Variants in SGIP1 observed in about 807,000 individuals in gnomAD.
The protein encoded by SGIP1 is SH3-containing GRB2-like protein 3-interacting protein 1.
SGIP1 carries 38 observed loss-of-function variants against 107.5 expected under a neutral mutation model. The observed-to-expected ratio is 0.35, with a 90% CI of 0.27 to 0.46. SGIP1 has a LOEUF of 0.46. Ranked by LOEUF, SGIP1 falls within the 20% of genes least tolerant of loss-of-function variation. SGIP1 has a pLI of 1.00. For synonymous variants in SGIP1, 365 were observed against 366.1 expected (o/e 1.00, Z 0.03); for missense variants, 929 against 1,019.5 (o/e 0.91, Z 1.21).
At chr1:66,686,076 C>A (rs1483178619) in intron 15 of SGIP1, among the ~76,000 whole-genome samples, 1 of 152,246 alleles carries the variant, frequency 6.6e-6, no homozygotes, top group African/African-American at 2.4e-5. Flanking sequence ...ACAGCATGAA[C>A]TATTAGCCTC....
Position 66,743,101 on chromosome 1 carries a change from T to C in SGIP1, c.*6T>C, listed in dbSNP as rs377364655. 2.2e-5 allele frequency: 35 copies of C among 1,613,120 alleles called. No individual in the cohort carries two copies. Among genetic ancestry groups the C allele is most frequent in the Non-Finnish European group, 2.7e-5 (32 of 1,179,588 alleles). ...AATACTTGGCAGATAACTAATGAAA[T>C]CTTATGCAAGGATTTGGAGGATTCA... On this transcript the variant is annotated 3_prime_UTR_variant, in exon 25 of 25. Coordinates refer to ENST00000371037, the MANE Select transcript of SGIP1 (RefSeq NM_032291.4).
rs373780100 is a variant in SGIP1, at chr1:66,633,052, A to G, written c.75-18A>G. The G allele has an allele frequency of 5.2e-5, 77 of 1,476,404 alleles. No homozygotes were observed. Among genetic ancestry groups the G allele is most frequent in the Non-Finnish European group, 7.1e-5 (75 of 1,056,960 alleles). 91.5% of individuals were successfully genotyped at this position (1,476,404 alleles called of 1,614,324 possible). A position where few individuals can be genotyped will look rare whatever the true frequency, so the allele number is the denominator to read the frequency against. On this transcript the variant is annotated intron_variant, in intron 2 of 24. Transcript: ENST00000371037. ...ATGATTCCTTATCATAATAGCTATC[A>G]ATTTCTTTTTGTTACAGAGGTTCAC...
At position 66,534,322 on chromosome 1, in the gene SGIP1, A is replaced by G. The variant is rs763644911; in HGVS notation, c.-37A>G. 1 of 1,613,264 alleles carries G rather than the reference A, an allele frequency of 6.2e-7. No individual in the cohort carries two copies. Among genetic ancestry groups the G allele is most frequent in the African/African-American group, 1.3e-5 (1 of 74,994 alleles). ...GAATCGTATCCTCCTGTGTTTTTTC[A>G]GACTCCTTGGAAATTAAGGAATGCA... On this transcript the variant is annotated 5_prime_UTR_variant, in exon 1 of 25. Coordinates refer to ENST00000371037, the MANE Select transcript of SGIP1 (RefSeq NM_032291.4).
chr1:66,585,898 G>A (rs541398242), intron 1 of SGIP1, among the ~76,000 whole-genome samples: 44 of 152,254 alleles, frequency 2.9e-4, no homozygotes, highest in South Asian at 1.4e-3. Context: ...AGTGCTCTGC[G>A]AAAATAATTT....
At chr1:66,553,711 T>A (rs1257373303) in intron 1 of SGIP1, among the ~76,000 whole-genome samples, 2 of 150,816 alleles carry the variant, frequency 1.3e-5, no homozygotes, top group Non-Finnish European at 3.0e-5. Context: ...GAAAGTGAAA[T>A]AATTTGATTA....
intron 1 of SGIP1, among the ~76,000 whole-genome samples, chr1:66,540,097 A>T (rs1174315486): frequency 6.6e-6 from 1 of 152,214 alleles, no homozygotes; most frequent in Admixed American, 6.5e-5. Flanking sequence ...GGGCATTATG[A>T]TGGACGTAAG....
At chr1:66,684,126 G>C in intron 15 of SGIP1, 1 of 1,550,558 alleles carries the variant, frequency 6.4e-7, no homozygotes, top group Middle Eastern at 1.7e-4. Context: ...CTGAGGCTCA[G>C]AGATATCAAG....
chr1:66,749,791 A>AC lies in SGIP1; in HGVS notation c.*6698dup, dbSNP rs2094600068. Among the ~76,000 whole-genome samples, 1 of 152,044 alleles carries AC rather than the reference A, an allele frequency of 6.6e-6. No individual in the cohort carries two copies. The highest frequency in any genetic ancestry group is 2.4e-5 in the African/African-American group (1 of 41,402). ...AGTAAATGCTTGATGTTATTCATTC[A>AC]CCATCACTCTAAGGTATTTTAAATC... On this transcript the variant is annotated 3_prime_UTR_variant, in exon 25 of 25. Transcript: ENST00000371037.
Position 66,633,790 on chromosome 1 carries a change from A to G in SGIP1, c.99+696A>G, listed in dbSNP as rs1422641290. On this transcript the variant is annotated intron_variant, in intron 3 of 24. Transcript: ENST00000371037. ...CAGATGCCTATTCAGAAGGTTCAAA[A>G]GAACAGCTGTTACTGAAAAAAAAAT... Among the ~76,000 whole-genome samples the G allele has an allele frequency of 2.2e-5, 3 of 135,348 alleles. No individual in the cohort carries two copies. The East Asian group carries it at 6.3e-4, about 28-fold the overall frequency. 88.8% of individuals were successfully genotyped at this position (135,348 alleles called of 152,430 possible).
intron 7 of SGIP1, among the ~76,000 whole-genome samples, chr1:66,649,969 T>C (rs1008734944): frequency 3.3e-5 from 5 of 152,174 alleles, no homozygotes; most frequent in African/African-American, 1.2e-4. Context: ...CCATACCTAC[T>C]TCATTGGGCT....
intron 2 of SGIP1, among the ~76,000 whole-genome samples, chr1:66,630,843 GAAA>G (rs1558133059): frequency 6.5e-5 from 1 of 15,328 alleles, no homozygotes; most frequent in African/African-American, 4.9e-4. Flanking sequence ...AAGAAAGAAA[GAAA>G]GAAAGAAAGA....
chr1:66,549,145 T>TCCTA (rs1429860146), intron 1 of SGIP1, among the ~76,000 whole-genome samples: 8 of 78,972 alleles, frequency 1.0e-4, no homozygotes, highest in African/African-American at 3.5e-4. Context: ...CTGCCTTCCT[T>TCCTA]CCTTCCTTCC....
chr1:66,538,720 G>A (rs1378982588), intron 1 of SGIP1, among the ~76,000 whole-genome samples: 1 of 152,096 alleles, frequency 6.6e-6, no homozygotes, highest in African/African-American at 2.4e-5. Context: ...GTCCATCAAA[G>A]GCTATTAACC....
intron 1 of SGIP1, among the ~76,000 whole-genome samples, chr1:66,608,079 G>A (rs997766241): frequency 5.9e-5 from 9 of 152,158 alleles, no homozygotes; most frequent in Non-Finnish European, 1.3e-4. Context: ...TACTGGCCTT[G>A]GGTTTCCAAG....
In SGIP1 at chr1:66,746,046, A is replaced by C. The variant is rs1384043217; in HGVS notation, c.*2951A>C. The C allele has an allele frequency of 6.6e-6, 1 of 152,112 alleles. No individual in the cohort carries two copies. The highest frequency in any genetic ancestry group is 1.5e-5 in the Non-Finnish European group (1 of 67,992). 9.4% of individuals were successfully genotyped at this position (152,112 alleles called of 1,614,324 possible). On this transcript the variant is annotated 3_prime_UTR_variant, in exon 25 of 25. Coordinates refer to ENST00000371037, the MANE Select transcript of SGIP1 (RefSeq NM_032291.4). ...ACAATTCAAACGGTTTTGAGTTAAT[A>C]GATAGGAATCCCTCAGTCAAACTAC...
At chr1:66,688,685 T>A (rs1333430691) in intron 15 of SGIP1, among the ~76,000 whole-genome samples, 1 of 152,218 alleles carries the variant, frequency 6.6e-6, no homozygotes. Context: ...ATAATTCTCT[T>A]AACCACATTT....
intron 19 of SGIP1, among the ~76,000 whole-genome samples, chr1:66,727,952 G>A (rs1297364153): frequency 6.6e-6 from 1 of 151,954 alleles, no homozygotes; most frequent in African/African-American, 2.4e-5. Context: ...TTTCTTAATT[G>A]TATGATGATT....
At chr1:66,555,061 T>A (rs987944192) in intron 1 of SGIP1, among the ~76,000 whole-genome samples, 2 of 152,150 alleles carry the variant, frequency 1.3e-5, no homozygotes, top group African/African-American at 4.8e-5. Context: ...ATCAGTGCTC[T>A]ATTCAGAATG....
intron 2 of SGIP1, chr1:66,626,165 T>G: frequency 8.1e-6 from 2 of 246,752 alleles, no homozygotes; most frequent in East Asian, 7.6e-5. Context: ...TTTTTGATCA[T>G]TACACTTCCC....
Sources: gnomAD v4.1 joint callset for allele counts (sites outside exome capture counted in the v4.1 genomes callset) on GRCh38, gnomAD v4.1.1 for gene constraint, MANE v1.5 for transcripts, NCBI Gene and HGNC (gene_info 2026-07-23, HGNC 2026-07-21) for gene names.